Variants in CLYBL observed in about 807,000 individuals in gnomAD.
The protein encoded by CLYBL is citramalyl-CoA lyase, mitochondrial.
In CLYBL, 31 loss-of-function variants were observed where a neutral mutation model predicts 38.9. The observed-to-expected ratio is 0.80, with a 90% CI of 0.60 to 1.08. The LOEUF (loss-of-function observed/expected upper bound fraction) is 1.08. CLYBL is among the 50% of genes least tolerant of loss of function. CLYBL has a pLI of 0.00. For synonymous variants in CLYBL, 171 were observed against 158.6 expected (o/e 1.08, Z -0.59); for missense variants, 434 against 411.6 (o/e 1.05, Z -0.47).
chr13:99,660,479 G>T (rs867574628), intron 1 of CLYBL, among the ~76,000 whole-genome samples: 2 of 152,214 alleles, frequency 1.3e-5, no homozygotes, highest in East Asian at 3.9e-4. Context: ...TCTCTGTATT[G>T]TGTTCAATGC....
chr13:99,785,191 CTTT>C (rs58550861), intron 2 of CLYBL, among the ~76,000 whole-genome samples: 432 of 34,120 alleles, frequency 0.013, 5 homozygotes, highest in African/African-American at 0.057. Context: ...CCCCGCCTGG[CTTT>C]TTTTTTTTTT....
At chr13:99,699,423 G>A (rs1269642388) in intron 1 of CLYBL, among the ~76,000 whole-genome samples, 1 of 152,090 alleles carries the variant, frequency 6.6e-6, no homozygotes, top group African/African-American at 2.4e-5. Context: ...GCTGGGCGTG[G>A]TGGCTCACGC....
Position 99,606,695 on chromosome 13 carries a change from G to C in CLYBL, c.-1G>C. On this transcript the variant is annotated 5_prime_UTR_variant, in exon 1 of 9. Coordinates refer to ENST00000339105, the MANE Select transcript of CLYBL (RefSeq NM_206808.5). ...AAGGGCGGGGCGCGCGCGTCGGGAAGATGGCGCTACGTCTGCTGCGGAGGG... is the reference window on the plus strand; with the variant it reads ...AAGGGCGGGGCGCGCGCGTCGGGAACATGGCGCTACGTCTGCTGCGGAGGG... 1.3e-6 allele frequency: 2 copies of C among 1,491,110 alleles called. No homozygotes were observed. Among genetic ancestry groups the C allele is most frequent in the Non-Finnish European group, 8.9e-7 (1 of 1,126,688 alleles). The allele number at this position is 1,491,110 out of a possible 1,614,324, so 92.4% of individuals were successfully genotyped here.
At position 99,662,975 on chromosome 13, in the gene CLYBL, C is replaced by G. The variant is rs145246143; in HGVS notation, c.62+56218C>G. 3.6e-4 allele frequency among the ~76,000 whole-genome samples: 55 copies of G among 152,274 alleles called. No individual in the cohort carries two copies. In the East Asian group the frequency reaches 0.01, roughly 28 times the overall value. On this transcript the variant is annotated intron_variant, in intron 1 of 8. Coordinates refer to ENST00000339105, the MANE Select transcript of CLYBL (RefSeq NM_206808.5). ...AAGAACAAACATCTCAGGCTAGATG[C>G]AGGACACTAAATATGTTCTTCAAGC...
intron 1 of CLYBL, among the ~76,000 whole-genome samples, chr13:99,748,534 G>A (rs9557285): frequency 0.12 from 15,873 of 134,146 alleles, 1,336 homozygotes; most frequent in East Asian, 0.44. Context: ...CCGCCTCCCC[G>A]GTTCAAGCGA....
At position 99,668,079 on chromosome 13, in the gene CLYBL, G is replaced by A. The variant is rs568451877; in HGVS notation, c.62+61322G>A. Among the ~76,000 whole-genome samples, 223 of 152,142 alleles carry A rather than the reference G, an allele frequency of 1.5e-3. 2 individuals are homozygous for A. Among genetic ancestry groups the A allele is most frequent in the African/African-American group, 5.2e-3 (217 of 41,504 alleles). On this transcript the variant is annotated intron_variant, in intron 1 of 8. Transcript: ENST00000339105. ...GATTGAGGTCAGAAGTTCGAGAACA[G>A]CCTGGGCAACATGGTGAAACCCTGT... is the stretch of plus-strand genomic sequence containing the variant.
intron 2 of CLYBL, 100 bp downstream of exon 2, chr13:99,773,110 T>C: frequency 2.0e-6 from 2 of 975,700 alleles, no homozygotes; most frequent in Non-Finnish European, 3.1e-6. Flanking sequence ...TCTACCACAC[T>C]CATCTTTTGC....
intron 1 of CLYBL, among the ~76,000 whole-genome samples, chr13:99,739,332 T>C (rs2048714072): frequency 6.6e-6 from 1 of 152,182 alleles, no homozygotes; most frequent in Admixed American, 6.5e-5. Context: ...TTAAGTCATA[T>C]TTTCATGAAG....
intron 2 of CLYBL, among the ~76,000 whole-genome samples, chr13:99,815,230 C>G (rs779937988): frequency 1.6e-4 from 25 of 152,146 alleles, no homozygotes; most frequent in Non-Finnish European, 3.4e-4. Context: ...GGGAAAGGAG[C>G]TAAAACCTTG....
chr13:99,814,003 G>C (rs1239001834), intron 2 of CLYBL, among the ~76,000 whole-genome samples: 1 of 152,144 alleles, frequency 6.6e-6, no homozygotes. Flanking sequence ...ATTTTGCACA[G>C]AAATTTGGTT....
intron 1 of CLYBL, among the ~76,000 whole-genome samples, chr13:99,709,829 G>C (rs886316173): frequency 2.8e-4 from 43 of 151,526 alleles, no homozygotes; most frequent in African/African-American, 1.0e-3. Context: ...GCTTTGTGGA[G>C]TGAAGCAGTA....
In CLYBL at chr13:99,657,747, T is replaced by C. The variant is rs114241944; in HGVS notation, c.62+50990T>C. Among the ~76,000 whole-genome samples, 273 of 152,336 alleles carry C rather than the reference T, an allele frequency of 1.8e-3. 1 individual carries two copies. Among genetic ancestry groups the C allele is most frequent in the African/African-American group, 6.1e-3 (252 of 41,582 alleles). ...ATACATTTTATACTGCAAGTTACAA[T>C]GTGAAGGGCCTTTGAAGCACTCTAA... On this transcript the variant is annotated intron_variant, in intron 1 of 8. Coordinates refer to ENST00000339105, the MANE Select transcript of CLYBL (RefSeq NM_206808.5).
intron 8 of CLYBL, among the ~76,000 whole-genome samples, chr13:99,905,266 A>C (rs2052684533): frequency 2.0e-5 from 3 of 152,060 alleles, no homozygotes; most frequent in African/African-American, 4.8e-5. Context: ...TTTTTTTAAT[A>C]AAGGGAATGC....
At chr13:99,888,691 G>A (rs1203227739) in intron 7 of CLYBL, among the ~76,000 whole-genome samples, 1 of 152,166 alleles carries the variant, frequency 6.6e-6, no homozygotes, top group African/African-American at 2.4e-5. Flanking sequence ...GGAGGTTGCA[G>A]TGAGCCGAGG....
intron 1 of CLYBL, among the ~76,000 whole-genome samples, chr13:99,759,527 C>A (rs2049126919): frequency 6.6e-6 from 1 of 152,122 alleles, no homozygotes. Context: ...AGTGATGCAC[C>A]TCTGATGTCA....
intron 1 of CLYBL, among the ~76,000 whole-genome samples, chr13:99,742,738 G>A (rs1472265516): frequency 6.6e-6 from 1 of 152,186 alleles, no homozygotes; most frequent in Non-Finnish European, 1.5e-5. Flanking sequence ...TTTTCGGAAA[G>A]CCTTTATTTT....
intron 2 of CLYBL, among the ~76,000 whole-genome samples, chr13:99,776,373 G>A (rs1391416760): frequency 6.6e-6 from 1 of 150,954 alleles, no homozygotes; most frequent in Non-Finnish European, 1.5e-5. Context: ...GCACACACCT[G>A]TAATCCCAGC....
At chr13:99,797,855 G>C (rs984013297) in intron 2 of CLYBL, among the ~76,000 whole-genome samples, 8 of 152,168 alleles carry the variant, frequency 5.3e-5, no homozygotes, top group African/African-American at 1.4e-4. Context: ...TAGCCTAACT[G>C]TCTTCCTGTT....
Position 99,657,746 on chromosome 13 carries a change from A to G in CLYBL, c.62+50989A>G, listed in dbSNP as rs2047349343. On this transcript the variant is annotated intron_variant, in intron 1 of 8. Transcript: ENST00000339105. ...CATACATTTTATACTGCAAGTTACA[A>G]TGTGAAGGGCCTTTGAAGCACTCTA... is the stretch of plus-strand genomic sequence containing the variant. 2.6e-5 allele frequency among the ~76,000 whole-genome samples: 4 copies of G among 152,192 alleles called. No homozygotes were observed. The South Asian group carries it at 8.3e-4, about 31-fold the overall frequency.
Sources: gnomAD v4.1 joint callset for allele counts (sites outside exome capture counted in the v4.1 genomes callset) on GRCh38, gnomAD v4.1.1 for gene constraint, MANE v1.5 for transcripts, NCBI Gene and HGNC (gene_info 2026-07-23, HGNC 2026-07-21) for gene names.